Variants in CPT1A observed in about 807,000 individuals in gnomAD.
CPT1A encodes carnitine palmitoyltransferase 1A.
CPT1A carries 64 observed loss-of-function variants against 100.8 expected under a neutral mutation model. The observed-to-expected ratio is 0.63, with a 90% confidence interval of 0.52 to 0.78. CPT1A has a LOEUF of 0.78. Among genes scored for constraint, CPT1A ranks in the 30% least tolerant of loss-of-function variants. The probability of loss-of-function intolerance (pLI) is 0.00; values close to 1 mark genes in which losing one functional copy is unlikely to be tolerated. For synonymous variants in CPT1A, 363 were observed against 396.0 expected (o/e 0.92, Z 0.99); for missense variants, 802 against 1,034.1 (o/e 0.78, Z 3.08).
At chr11:68,816,485 G>A (rs750723217) in intron 1 of CPT1A, among the ~76,000 whole-genome samples, 1 of 152,100 alleles carries the variant, frequency 6.6e-6, no homozygotes, top group Non-Finnish European at 1.5e-5. Context: ...TCCCCTGGCC[G>A]GCTGCAGAAA....
Position 68,838,571 on chromosome 11 carries a change from T to TAA in CPT1A, c.-14+3203_-14+3204insTT, listed in dbSNP as rs1177976460. ...GACTCTACTCTGTATCTGCACCTTT[T>TAA]TAAAAAAAAAAAAAAAAAAACAGAG... On this transcript the variant is annotated intron_variant, in intron 1 of 18. Coordinates refer to ENST00000265641, the MANE Select transcript of CPT1A (RefSeq NM_001876.4). Among the ~76,000 whole-genome samples the TAA allele has an allele frequency of 2.4e-4, 18 of 74,236 alleles. 1 individual carries two copies. Among genetic ancestry groups the TAA allele is most frequent in the South Asian group, 9.3e-4 (2 of 2,144 alleles). The allele number at this position is 74,236 out of a possible 152,430, so 48.7% of individuals were successfully genotyped here. A position where few individuals can be genotyped will look rare whatever the true frequency, so the allele number is the denominator to read the frequency against.
intron 12 of CPT1A, among the ~76,000 whole-genome samples, chr11:68,777,304 C>T (rs1855167053): frequency 6.6e-6 from 1 of 152,102 alleles, no homozygotes; most frequent in Admixed American, 6.6e-5. Flanking sequence ...GTGGCGCACA[C>T]CTGTGGTCCC....
intron 4 of CPT1A, among the ~76,000 whole-genome samples, chr11:68,805,576 A>G (rs1222339277): frequency 6.6e-6 from 1 of 152,120 alleles, no homozygotes; most frequent in Non-Finnish European, 1.5e-5. Context: ...CAGTCCAGGC[A>G]GGCACCACTG....
chr11:68,776,504 A>G (rs1273546879), intron 12 of CPT1A, among the ~76,000 whole-genome samples: 2 of 152,244 alleles, frequency 1.3e-5, no homozygotes, highest in South Asian at 2.1e-4. Context: ...ATAGGCACAT[A>G]CATACACACA....
chr11:68,831,003 G>A (rs570635605), intron 1 of CPT1A, among the ~76,000 whole-genome samples: 35 of 152,272 alleles, frequency 2.3e-4, no homozygotes, highest in Non-Finnish European at 2.5e-4. Flanking sequence ...AATCGTGGGG[G>A]GGAAGGTGAT....
intron 1 of CPT1A, among the ~76,000 whole-genome samples, chr11:68,821,026 G>T (rs1056267323): frequency 6.6e-6 from 1 of 152,142 alleles, no homozygotes; most frequent in Non-Finnish European, 1.5e-5. Context: ...ACACAGTCTC[G>T]CTCTGTCCCC....
Position 68,841,676 on chromosome 11 carries a change from G to A in CPT1A, c.-14+99C>T. ...CCGGTTCCGGCGGCGTCCCCCACCC[G>A]GTCCGGTTCCCGGCAGCCCCGCGCC... On this transcript the variant is annotated intron_variant, in intron 1 of 18. Coordinates refer to ENST00000265641, the MANE Select transcript of CPT1A (RefSeq NM_001876.4). The surrounding 1 kb of genome is among the most constrained non-coding windows in gnomAD (Gnocchi z 6.3). 1 of 633,038 alleles carries A rather than the reference G, an allele frequency of 1.6e-6. No homozygotes were observed. The highest frequency in any genetic ancestry group is 2.0e-6 in the Non-Finnish European group (1 of 507,428). The allele number at this position is 633,038 out of a possible 1,614,324, so 39.2% of individuals were successfully genotyped here.
chr11:68,813,076 A>G (rs1375268883), intron 2 of CPT1A, among the ~76,000 whole-genome samples: 1 of 151,984 alleles, frequency 6.6e-6, no homozygotes, highest in Non-Finnish European at 1.5e-5. Flanking sequence ...AAAGGATTAT[A>G]TCAAACAAAA....
In CPT1A at chr11:68,813,579, ATGGTCCCAACTACT is replaced by A. The variant is rs1856284419; in HGVS notation, c.142-1017_142-1004del. ...TAGCCGGGCATTGTGGTGTGCACCT[ATGGTCCCAACTACT>A]TGGGTGGATGAGACAGGAGGATTGC... On this transcript the variant is annotated intron_variant, in intron 2 of 18. Coordinates refer to ENST00000265641, the MANE Select transcript of CPT1A (RefSeq NM_001876.4). Among the ~76,000 whole-genome samples the A allele has an allele frequency of 2.7e-5, 4 of 149,476 alleles. No homozygotes were observed. In the South Asian group the frequency reaches 8.4e-4, roughly 32 times the overall value.
chr11:68,829,483 C>T (rs1310171748), intron 1 of CPT1A, among the ~76,000 whole-genome samples: 5 of 152,170 alleles, frequency 3.3e-5, no homozygotes, highest in African/African-American at 1.2e-4. Context: ...TGCACCTGTG[C>T]CCCAAGTTCA....
intron 3 of CPT1A, 50 bp from the exon 4 acceptor site, chr11:68,807,688 G>A (rs1856087058): frequency 6.3e-7 from 1 of 1,584,148 alleles, no homozygotes; most frequent in Non-Finnish European, 8.6e-7. Context: ...GCCACACGGT[G>A]CCACCAACAC....
chr11:68,841,594 T>G lies in CPT1A; in HGVS notation c.-14+181A>C, dbSNP rs1013149776. ...TGGGGAGCCCCGGCCTCTTTCTGGG[T>G]TCAGGATCTCCACAACCCCGCCGTC... is the stretch of plus-strand genomic sequence containing the variant. On this transcript the variant is annotated intron_variant, in intron 1 of 18. Transcript: ENST00000265641. This position sits in a 1 kb window ranked among gnomAD's most constrained non-coding sequence, Gnocchi z 6.3. Among the ~76,000 whole-genome samples the G allele has an allele frequency of 2.6e-5, 4 of 152,058 alleles. No homozygotes were observed. Among genetic ancestry groups the G allele is most frequent in the Admixed American group, 2.6e-4 (4 of 15,278 alleles).
At chr11:68,803,765 T>TA (rs879411332) in intron 5 of CPT1A, among the ~76,000 whole-genome samples, 1 of 138,996 alleles carries the variant, frequency 7.2e-6, no homozygotes, top group South Asian at 2.3e-4. Flanking sequence ...AATAAAGCTT[T>TA]AAAAAATTCA....
At chr11:68,788,630 T>TAAAAAAAAAAAAAAAAAAAAAAAAAAAA in intron 9 of CPT1A, among the ~76,000 whole-genome samples, 1 of 27,548 alleles carries the variant, frequency 3.6e-5, no homozygotes, top group African/African-American at 1.4e-4. Flanking sequence ...CAAACAAAAG[T>TAAAAAAAAAAAAAAAAAAAAAAAAAAAA]AAAAAAAAAA....
chr11:68,814,019 C>T (rs941596790), intron 2 of CPT1A, among the ~76,000 whole-genome samples: 1 of 152,082 alleles, frequency 6.6e-6, no homozygotes, highest in East Asian at 1.9e-4. Context: ...CACTTCAGTG[C>T]CGCCCTCGGA....
intron 1 of CPT1A, among the ~76,000 whole-genome samples, chr11:68,837,328 G>A (rs1004638298): frequency 2.0e-5 from 3 of 152,192 alleles, no homozygotes; most frequent in African/African-American, 4.8e-5. Context: ...GATTACAGGC[G>A]TGAGCCACTG....
intron 16 of CPT1A, 43 bp downstream of exon 16, chr11:68,761,492 G>A (rs1395556732): frequency 6.3e-7 from 1 of 1,593,338 alleles, no homozygotes; most frequent in African/African-American, 1.3e-5. Context: ...ACTAAGTTTT[G>A]GTCTAGCCAA....
intron 2 of CPT1A, among the ~76,000 whole-genome samples, chr11:68,814,992 A>G (rs927962409): frequency 1.3e-5 from 2 of 152,150 alleles, no homozygotes; most frequent in African/African-American, 4.8e-5. Context: ...TGGCCTGGAA[A>G]AATCCTATTT....
At chr11:68,796,754 G>T in intron 7 of CPT1A, 102 bp downstream of exon 7, 1 of 1,157,746 alleles carries the variant, frequency 8.6e-7, no homozygotes, top group Non-Finnish European at 1.3e-6. Flanking sequence ...AATCCCCAGA[G>T]TTTTCCCAGG....
Sources: gnomAD v4.1 joint callset for allele counts (sites outside exome capture counted in the v4.1 genomes callset) on GRCh38, gnomAD v4.1.1 for gene constraint, Gnocchi (gnomAD v3.1) non-coding constraint, MANE v1.5 for transcripts, NCBI Gene and HGNC (gene_info 2026-07-23, HGNC 2026-07-21) for gene names.